The following TGM6 variants were observed in gnomAD, a reference collection of about 807,000 sequenced individuals.
The protein encoded by TGM6 is transglutaminase 6, also known as protein-glutamine gamma-glutamyltransferase 6.
Under a neutral mutation model 77.5 loss-of-function variants are expected in TGM6, and 74 were observed. That is an observed-to-expected ratio of 0.96 (90% CI 0.79 to 1.16). TGM6 has a LOEUF of 1.16. TGM6 is among the 50% of genes most tolerant of loss of function. TGM6 has a pLI of 0.00. For synonymous variants in TGM6, 383 were observed against 378.9 expected (o/e 1.01, Z -0.12); for missense variants, 968 against 940.2 (o/e 1.03, Z -0.39).
chr20:2,423,640 A>G (rs1363440915), intron 10 of TGM6, among the ~76,000 whole-genome samples: 1 of 151,912 alleles, frequency 6.6e-6, no homozygotes, highest in Admixed American at 6.6e-5. Context: ...CTTCTTTCCA[A>G]CTCCTATTAA....
intron 10 of TGM6, among the ~76,000 whole-genome samples, chr20:2,427,681 T>A (rs1004847380): frequency 6.6e-6 from 1 of 152,238 alleles, no homozygotes; most frequent in Non-Finnish European, 1.5e-5. Flanking sequence ...GTATTGAATA[T>A]TATAGACTTC....
rs148419172 is a variant in TGM6 at position 2,430,452 on chromosome 20, G to C, written c.1685G>C (p.Arg562Thr). ...AVRLGPQEEK[R>T]IPITISYSKY... is the part of the protein sequence containing the mutation. ...CTTCTGCTTTCCCTTCCAGAGAAGA[G>C]AATCCCAATTACAATATCTTACTCT... The change falls in exon 11 of 13, where the codon AGA becomes ACA. Residue 562 changes from arginine (R) to threonine (T), a missense_variant. Coordinates refer to ENST00000202625, the MANE Select transcript of TGM6 (RefSeq NM_198994.3). 128 of 1,614,056 alleles carry C rather than the reference G, an allele frequency of 7.9e-5. No individual in the cohort carries two copies. Among genetic ancestry groups the C allele is most frequent in the Middle Eastern group, 1.6e-4 (1 of 6,084 alleles).
intron 3 of TGM6, 122 bp from the exon 4 acceptor site, chr20:2,396,384 G>T: frequency 1.1e-6 from 1 of 948,858 alleles, no homozygotes; most frequent in East Asian, 2.4e-5. Flanking sequence ...GCCCCCTCTT[G>T]ACCTCTCCTG....
intron 9 of TGM6, among the ~76,000 whole-genome samples, chr20:2,412,571 CAG>C (rs1400993670): frequency 2.6e-5 from 4 of 151,946 alleles, no homozygotes; most frequent in Admixed American, 1.3e-4. Flanking sequence ...GAAATGGAAA[CAG>C]AGAAATTTCC....
chr20:2,400,437 A>G lies in TGM6; in HGVS notation c.982A>G (p.Ser328Gly), dbSNP rs1271717343. The change falls in exon 7 of 13, where the codon AGC (serine) becomes GGC (glycine). Residue 328 changes from serine to glycine, a missense_variant. Ser to Gly is a moderately conservative substitution (Grantham distance 56). Coordinates refer to ENST00000202625, the MANE Select transcript of TGM6 (RefSeq NM_198994.3). Reference sequence around the variant, plus strand: ...GACCCTGGAGGACCTGACAGAAGACAGCATGTGGTGGGTCCTGCCCCCAGC... The same window carrying G: ...GACCCTGGAGGACCTGACAGAAGACGGCATGTGGTGGGTCCTGCCCCCAGC... ...GRTLEDLTED[S>G]MWNFHVWNES... The G allele has an allele frequency of 1.5e-5, 24 of 1,614,044 alleles. No homozygotes were observed. The highest frequency in any genetic ancestry group is 1.9e-5 in the Non-Finnish European group (23 of 1,180,030).
intron 12 of TGM6, 30 bp downstream of exon 12, chr20:2,431,057 A>T (rs755292287): frequency 2.5e-6 from 4 of 1,608,888 alleles, no homozygotes; most frequent in Non-Finnish European, 1.7e-6. Context: ...GCTGGCAGGG[A>T]ATGGGGCTCT....
intron 7 of TGM6, among the ~76,000 whole-genome samples, chr20:2,400,756 G>A (rs1390722200): frequency 1.3e-5 from 2 of 152,138 alleles, no homozygotes; most frequent in African/African-American, 4.8e-5. Flanking sequence ...AACTCCTTCT[G>A]CACAGGTACC....
At chr20:2,381,656 C>T (rs953113790) in intron 1 of TGM6, among the ~76,000 whole-genome samples, 1 of 152,168 alleles carries the variant, frequency 6.6e-6, no homozygotes, top group African/African-American at 2.4e-5. Context: ...GTGGCTCACG[C>T]CTCTAATCCC....
intron 10 of TGM6, among the ~76,000 whole-genome samples, chr20:2,419,437 T>C (rs1480591277): frequency 6.6e-6 from 1 of 152,202 alleles, no homozygotes; most frequent in Non-Finnish European, 1.5e-5. Flanking sequence ...AATCACAAAA[T>C]AACACTTCAT....
chr20:2,388,768 T>C (rs2084612633), intron 1 of TGM6, among the ~76,000 whole-genome samples: 1 of 152,234 alleles, frequency 6.6e-6, no homozygotes, highest in South Asian at 2.1e-4. Context: ...ACTTGGTTCA[T>C]AGGAAGATTT....
chr20:2,431,138 A>G, intron 12 of TGM6, 111 bp downstream of exon 12: 1 of 1,411,548 alleles, frequency 7.1e-7, no homozygotes, highest in Non-Finnish European at 9.7e-7. Flanking sequence ...ACACCCCAGG[A>G]ACCAGCCCAC....
chr20:2,404,141 A>G (rs982875769), intron 9 of TGM6, among the ~76,000 whole-genome samples: 1 of 152,226 alleles, frequency 6.6e-6, no homozygotes, highest in African/African-American at 2.4e-5. Flanking sequence ...TACTAGTAAC[A>G]ATAATGATGA....
chr20:2,414,881 G>A (rs1331968046), intron 9 of TGM6, among the ~76,000 whole-genome samples: 1 of 150,616 alleles, frequency 6.6e-6, no homozygotes, highest in Non-Finnish European at 1.5e-5. Flanking sequence ...GTTGCCTAGG[G>A]CTGGGGTTGG....
chr20:2,406,737 A>C (rs2084753672), intron 9 of TGM6, among the ~76,000 whole-genome samples: 1 of 147,048 alleles, frequency 6.8e-6, no homozygotes, highest in Non-Finnish European at 1.5e-5. Flanking sequence ...TGGGAGGCTG[A>C]GGCAGGAGAA....
chr20:2,391,009 T>C (rs1454797765), intron 1 of TGM6, among the ~76,000 whole-genome samples: 1 of 148,552 alleles, frequency 6.7e-6, no homozygotes. Flanking sequence ...GGCTTGTGGG[T>C]CATTGTCGGG....
chr20:2,403,641 C>T lies in TGM6; in HGVS notation c.1154C>T (p.Ala385Val), dbSNP rs747526538. ...ATCCGCGAGGGTGATGTGCACCTGG[C>T]TCACGATGGCCCCTTCGTGTTTGCG... is the stretch of plus-strand genomic sequence containing the variant. ...TAIREGDVHL[A>V]HDGPFVFAEV... The change falls in exon 9 of 13, where the codon GCT becomes GTT. Residue 385 changes from alanine (A) to valine (V), a missense_variant. Physicochemically the swap from Ala to Val is moderately conservative, Grantham distance 64. Coordinates refer to ENST00000202625, the MANE Select transcript of TGM6 (RefSeq NM_198994.3). 3 of 1,614,216 alleles carry T rather than the reference C, an allele frequency of 1.9e-6. No individual in the cohort carries two copies. The highest frequency in any genetic ancestry group is 2.5e-6 in the Non-Finnish European group (3 of 1,180,042).
intron 10 of TGM6, among the ~76,000 whole-genome samples, chr20:2,420,598 C>T (rs2084849316): frequency 6.6e-6 from 1 of 152,130 alleles, no homozygotes; most frequent in African/African-American, 2.4e-5. Context: ...AATAGTTTCA[C>T]CCCTCCAATA....
At chr20:2,383,789 T>TG (rs199838904) in intron 1 of TGM6, among the ~76,000 whole-genome samples, 1,784 of 151,930 alleles carry the variant, frequency 0.012, 29 homozygotes, top group African/African-American at 0.04. Flanking sequence ...GGGGGAGATG[T>TG]GGGAAAGGAG....
At position 2,410,324 on chromosome 20, in the gene TGM6, A is replaced by C. The variant is rs1018490672; in HGVS notation, c.1336+6501A>C. On this transcript the variant is annotated intron_variant, in intron 9 of 12. Transcript: ENST00000202625. ...GGAGAGGTTCCAGGTTGGGGAAGAC[A>C]TTGAGGTGCTGAGAGGGTGGCATGC... is the stretch of plus-strand genomic sequence containing the variant. Among the ~76,000 whole-genome samples the C allele has an allele frequency of 5.3e-5, 8 of 152,276 alleles. 1 individual carries two copies. Among genetic ancestry groups the C allele is most frequent in the South Asian group, 4.1e-4 (2 of 4,828 alleles).
Sources: gnomAD v4.1 joint callset for allele counts (sites outside exome capture counted in the v4.1 genomes callset) on GRCh38, gnomAD v4.1.1 for gene constraint, MANE v1.5 for transcripts, NCBI Gene and HGNC (gene_info 2026-07-23, HGNC 2026-07-21) for gene names.